The following ATXN7L1 variants were observed in gnomAD, a reference collection of about 807,000 sequenced individuals.
ATXN7L1 encodes the protein ataxin-7-like protein 1.
A neutral mutation model predicts 70.8 loss-of-function variants in ATXN7L1; 15 were observed. The observed-to-expected ratio is 0.21, with a 90% CI of 0.14 to 0.33. ATXN7L1 has a LOEUF of 0.33. ATXN7L1 is among the 10% of genes least tolerant of loss of function. The pLI is 1.00. For missense variants in ATXN7L1, 975 were observed against 1,097.1 expected (o/e 0.89, Z 1.57); for synonymous variants, 440 against 445.1 (o/e 0.99, Z 0.14).
chr7:105,642,191 C>G (rs889413816), intron 5 of ATXN7L1, among the ~76,000 whole-genome samples: 2 of 152,198 alleles, frequency 1.3e-5, no homozygotes, highest in African/African-American at 4.8e-5. Context: ...CTGTGTGCCT[C>G]TTCTGGCACC....
intron 3 of ATXN7L1, among the ~76,000 whole-genome samples, chr7:105,758,332 C>T (rs1436073659): frequency 6.6e-6 from 1 of 152,182 alleles, no homozygotes; most frequent in Non-Finnish European, 1.5e-5. Flanking sequence ...ATCCTCATAC[C>T]ACCTCTCTGA....
At chr7:105,662,781 T>C (rs1423061966) in intron 4 of ATXN7L1, among the ~76,000 whole-genome samples, 4 of 152,218 alleles carry the variant, frequency 2.6e-5, no homozygotes, top group African/African-American at 7.2e-5. Context: ...TTAGAGAGAT[T>C]TGACTTGTCA....
intron 1 of ATXN7L1, 119 bp from the exon 2 acceptor site, chr7:105,875,999 G>T: frequency 1.1e-6 from 1 of 929,734 alleles, no homozygotes; most frequent in Non-Finnish European, 1.7e-6. Flanking sequence ...TACTGTATAT[G>T]AAATTCTTTC....
rs192220783 is a variant in ATXN7L1, at chr7:105,856,234, T to C, written c.250+19578A>G. Among the ~76,000 whole-genome samples the C allele has an allele frequency of 4.9e-3, 751 of 152,332 alleles. 22 individuals carry two copies. The highest frequency in any genetic ancestry group is 1.2e-3 in the Non-Finnish European group (80 of 68,030). On this transcript the variant is annotated intron_variant, in intron 2 of 11. Coordinates refer to ENST00000419735, the MANE Select transcript of ATXN7L1 (RefSeq NM_020725.2). ...CTTAGGAAGGTTGGGGATATAAGAATTTGGCAGAAGTCAACCAAAGCATTT... is the reference window on the plus strand; with the variant it reads ...CTTAGGAAGGTTGGGGATATAAGAACTTGGCAGAAGTCAACCAAAGCATTT...
intron 3 of ATXN7L1, among the ~76,000 whole-genome samples, chr7:105,693,286 G>A (rs1481563572): frequency 6.6e-6 from 1 of 152,048 alleles, no homozygotes; most frequent in African/African-American, 2.4e-5. Context: ...TGAACTCCTG[G>A]GCTCAAGGAA....
At position 105,733,614 on chromosome 7, in the gene ATXN7L1, C is replaced by T. The variant is rs71540967; in HGVS notation, c.355+54990G>A. 7.1e-4 allele frequency among the ~76,000 whole-genome samples: 99 copies of T among 138,824 alleles called. 1 individual carries two copies. The highest frequency in any genetic ancestry group is 8.0e-4 in the Non-Finnish European group (51 of 63,542). The allele number at this position is 138,824 out of a possible 152,430, so 91.1% of individuals were successfully genotyped here. On this transcript the variant is annotated intron_variant, in intron 3 of 11. Coordinates refer to ENST00000419735, the MANE Select transcript of ATXN7L1 (RefSeq NM_020725.2). ...TCCATCCATCCATCCACCCATCCAT[C>T]CATCCATCCATCCATCCACCCATCC...
At chr7:105,708,166 G>A (rs1456356630) in intron 3 of ATXN7L1, among the ~76,000 whole-genome samples, 2 of 152,190 alleles carry the variant, frequency 1.3e-5, no homozygotes, top group Non-Finnish European at 2.9e-5. Context: ...GTGTCGTGGA[G>A]AACAGTTGGC....
intron 7 of ATXN7L1, among the ~76,000 whole-genome samples, chr7:105,627,754 A>C (rs1386496223): frequency 6.8e-6 from 1 of 147,956 alleles, no homozygotes; most frequent in Non-Finnish European, 1.5e-5. Flanking sequence ...CTGGTCTCGA[A>C]CTCCTGACCT....
At chr7:105,630,821 A>G (rs1796493439) in intron 7 of ATXN7L1, among the ~76,000 whole-genome samples, 2 of 152,170 alleles carry the variant, frequency 1.3e-5, no homozygotes, top group South Asian at 2.1e-4. Context: ...GGCAGGAGGT[A>G]TATAGGAAAC....
chr7:105,717,327 C>T (rs1054209452), intron 3 of ATXN7L1, among the ~76,000 whole-genome samples: 5 of 152,108 alleles, frequency 3.3e-5, no homozygotes, highest in African/African-American at 9.7e-5. Flanking sequence ...GGGGTTTTGC[C>T]ATGTTAGTCA....
chr7:105,873,935 G>A (rs184128706), intron 2 of ATXN7L1, among the ~76,000 whole-genome samples: 114 of 152,110 alleles, frequency 7.5e-4, no homozygotes, highest in Admixed American at 2.5e-3. Flanking sequence ...GACCATCCTG[G>A]CCAACATGGT....
chr7:105,665,048 G>T lies in ATXN7L1; in HGVS notation c.578+18C>A. 6.5e-7 allele frequency: 1 copy of T among 1,544,162 alleles called. No homozygotes were observed. The highest frequency in any genetic ancestry group is 1.2e-5 in the South Asian group (1 of 83,756). On this transcript the variant is annotated intron_variant, in intron 4 of 11. Transcript: ENST00000419735. ...CAGGGGGGACAGACAGCAGCTGGCT[G>T]CCAGCCAGCTGACTCACCATGGTTT...
chr7:105,701,407 CACAT>C (rs753727220), intron 3 of ATXN7L1, among the ~76,000 whole-genome samples: 4 of 152,044 alleles, frequency 2.6e-5, no homozygotes, highest in Non-Finnish European at 4.4e-5. Flanking sequence ...CACAGACAAA[CACAT>C]ACACATAGAA....
At chr7:105,845,974 A>C (rs1423192824) in intron 2 of ATXN7L1, among the ~76,000 whole-genome samples, 1 of 152,224 alleles carries the variant, frequency 6.6e-6, no homozygotes, top group Admixed American at 6.5e-5. Flanking sequence ...AAATCTTGTG[A>C]CCTGAAATTA....
At chr7:105,660,238 C>T (rs1584572376) in intron 4 of ATXN7L1, among the ~76,000 whole-genome samples, 1 of 152,150 alleles carries the variant, frequency 6.6e-6, no homozygotes, top group Non-Finnish European at 1.5e-5. Context: ...TTCTACGTGG[C>T]TGTCAAGGTG....
chr7:105,641,389 C>T (rs1287943675), intron 5 of ATXN7L1, among the ~76,000 whole-genome samples: 1 of 151,500 alleles, frequency 6.6e-6, no homozygotes, highest in East Asian at 1.9e-4. Context: ...CGCCTCATGT[C>T]GACCTGGAGC....
At chr7:105,748,181 C>T (rs1011859901) in intron 3 of ATXN7L1, among the ~76,000 whole-genome samples, 1 of 150,464 alleles carries the variant, frequency 6.6e-6, no homozygotes, top group Non-Finnish European at 1.5e-5. Flanking sequence ...AAAGGAAAAA[C>T]ACATTGAGCA....
chr7:105,657,567 T>C (rs888292235), intron 4 of ATXN7L1, among the ~76,000 whole-genome samples: 1 of 151,436 alleles, frequency 6.6e-6, no homozygotes, highest in East Asian at 1.9e-4. Flanking sequence ...CACAGTAGTG[T>C]GTGCCTGTCG....
intron 3 of ATXN7L1, among the ~76,000 whole-genome samples, chr7:105,764,698 A>G (rs2116421962): frequency 6.6e-6 from 1 of 152,336 alleles, no homozygotes; most frequent in East Asian, 1.9e-4. Context: ...TTTATTACAA[A>G]GCTTGAAAAG....
Sources: allele counts gnomAD v4.1 joint callset (sites outside exome capture counted in the v4.1 genomes callset), GRCh38; gene constraint gnomAD v4.1.1; transcripts MANE v1.5; gene names NCBI Gene and HGNC (gene_info 2026-07-23, HGNC 2026-07-21).